TACC3: variants seen among roughly 807,000 people sequenced by gnomAD.
TACC3 encodes transforming acidic coiled-coil containing protein 3, also known as transforming acidic coiled-coil-containing protein 3.
Under a neutral mutation model 86.0 loss-of-function variants are expected in TACC3, and 52 were observed. The ratio of observed to expected loss-of-function variants is 0.60; its 90% CI spans 0.48 to 0.76. The LOEUF (loss-of-function observed/expected upper bound fraction) is 0.76. TACC3 is among the 30% of genes least tolerant of loss of function. The pLI is 0.00. For missense variants in TACC3, 1,120 were observed against 1,070.4 expected, an observed-to-expected ratio of 1.05 and a Z score of -0.65; for synonymous variants, 512 against 430.0, an observed-to-expected ratio of 1.19 and a Z score of -2.36.
chr4:1,736,099 C>T (rs930616807), intron 8 of TACC3, among the ~76,000 whole-genome samples: 8 of 152,230 alleles, frequency 5.3e-5, no homozygotes, highest in Non-Finnish European at 8.8e-5. Context: ...AAGATCTAAA[C>T]TTAAATCTTT....
At chr4:1,740,064 G>T (rs1560322732) in intron 12 of TACC3, 62 bp downstream of exon 12, 1 of 1,561,900 alleles carries the variant, frequency 6.4e-7, no homozygotes, top group Non-Finnish European at 8.8e-7. Flanking sequence ...CCCCACCCTG[G>T]CCCTGCCCTG....
At chr4:1,739,805 C>T in intron 11 of TACC3, 27 bp downstream of exon 11, 1 of 1,569,912 alleles carries the variant, frequency 6.4e-7, no homozygotes, top group Admixed American at 1.9e-5. Flanking sequence ...TCCTGTCCTC[C>T]CCGTCCCCAT....
Position 1,735,338 on chromosome 4 carries a change from C to G in TACC3, c.1644+13C>G, listed in dbSNP as rs1162781182. 2 of 1,613,876 alleles carry G rather than the reference C, an allele frequency of 1.2e-6. No homozygotes were observed. Among genetic ancestry groups the G allele is most frequent in the Non-Finnish European group, 1.7e-6 (2 of 1,179,998 alleles). ...TGGAACTTCCTCGGTAGGTACCAGG[C>G]AATTCCGCGAAGCCTCACCCACAGG... is the stretch of plus-strand genomic sequence containing the variant. On this transcript the variant is annotated intron_variant, in intron 7 of 15. Transcript: ENST00000313288. The surrounding 1 kb of genome is among the most constrained non-coding windows in gnomAD (Gnocchi z 4.2).
At chr4:1,742,617 A>G (rs1437631839) in intron 13 of TACC3, among the ~76,000 whole-genome samples, 1 of 152,184 alleles carries the variant, frequency 6.6e-6, no homozygotes, top group Non-Finnish European at 1.5e-5. Flanking sequence ...CCTGGGTTAC[A>G]TGATGAAACT....
chr4:1,737,910 C>T, intron 10 of TACC3: 1 of 673,474 alleles, frequency 1.5e-6, no homozygotes, highest in Non-Finnish European at 2.7e-6. Context: ...AGTGTCCCCG[C>T]AGTCAGCTGC....
chr4:1,740,135 C>T, intron 12 of TACC3, 133 bp downstream of exon 12: 1 of 865,322 alleles, frequency 1.2e-6, no homozygotes, highest in Non-Finnish European at 1.8e-6. Context: ...GTCCCTTCAA[C>T]ATGGGCCCGG....
rs1718568312 is a variant in TACC3 at position 1,740,956 on chromosome 4, A to G, written c.2193A>G (p.Lys731=). The change falls in exon 13 of 16, where the codon AAA becomes AAG. Residue 731 remains lysine, a synonymous_variant. Transcript: ENST00000313288. ...CCGACCTCTTCAAGCGTTTTGAGAAACAGAAAGAGGTGATCGAGGGCTACC... is the reference window on the plus strand; with the variant it reads ...CCGACCTCTTCAAGCGTTTTGAGAAGCAGAAAGAGGTGATCGAGGGCTACC... ...SFSDLFKRFE[K]QKEVIEGYRK... 1.2e-6 allele frequency: 2 copies of G among 1,610,742 alleles called. No homozygotes were observed. The highest frequency in any genetic ancestry group is 3.4e-5 in the Admixed American group (2 of 59,434).
At position 1,744,754 on chromosome 4, in the gene TACC3, G is replaced by A. The variant is rs565079218; in HGVS notation, c.2373G>A (p.Ala791=). The change falls in exon 15 of 16, where the codon GCG becomes GCA. Residue 791 remains alanine, a synonymous_variant. Transcript: ENST00000313288. ...EIAQVRSKAQ[A]EALALQASLR... ...CCCAGGTCCGGAGCAAGGCCCAGGC[G>A]GAAGCGTTGGCCCTCCAGGCCAGCC... 2.7e-4 allele frequency: 436 copies of A among 1,612,722 alleles called. 1 individual carries two copies. Among genetic ancestry groups the A allele is most frequent in the South Asian group, 2.4e-3 (217 of 91,078 alleles).
intron 3 of TACC3, among the ~76,000 whole-genome samples, chr4:1,726,389 A>T (rs537164490): frequency 2.0e-5 from 3 of 152,254 alleles, no homozygotes; most frequent in African/African-American, 7.2e-5. Flanking sequence ...TTGAAGGGGA[A>T]AGCAGATTCA....
In TACC3 at chr4:1,735,033, C is replaced by A. The variant is rs143531453; in HGVS notation, c.1592-240C>A. On this transcript the variant is annotated intron_variant, in intron 6 of 15. Transcript: ENST00000313288. The surrounding 1 kb of genome is among the most constrained non-coding windows in gnomAD (Gnocchi z 4.2). ...TTTCCCCAGATGTTTGTGGTTGTCA[C>A]ACCTGGAGGTGCTGCTGGCAGGGAG... is the stretch of plus-strand genomic sequence containing the variant. Among the ~76,000 whole-genome samples the A allele has an allele frequency of 6.6e-6, 1 of 152,400 alleles. No individual in the cohort carries two copies. The highest frequency in any genetic ancestry group is 2.4e-5 in the African/African-American group (1 of 41,604).
chr4:1,727,394 G>A (rs1717740359), intron 3 of TACC3, among the ~76,000 whole-genome samples: 1 of 152,210 alleles, frequency 6.6e-6, no homozygotes, highest in South Asian at 2.1e-4. Context: ...CAAAGCGCGT[G>A]ATGAGCACAA....
At chr4:1,731,333 T>G in intron 6 of TACC3, 32 bp downstream of exon 6, 1 of 1,610,500 alleles carries the variant, frequency 6.2e-7, no homozygotes, top group Non-Finnish European at 8.5e-7. Context: ...TCACACACAG[T>G]CTGCCCGGAG....
chr4:1,743,746 C>T (rs571535954), intron 13 of TACC3, among the ~76,000 whole-genome samples: 1 of 152,270 alleles, frequency 6.6e-6, no homozygotes, highest in South Asian at 2.1e-4. Flanking sequence ...CCTGTGCACA[C>T]GTGAGAGCTT....
intron 3 of TACC3, among the ~76,000 whole-genome samples, chr4:1,726,917 A>G (rs1316022873): frequency 6.6e-6 from 1 of 152,186 alleles, no homozygotes; most frequent in Non-Finnish European, 1.5e-5. Context: ...ACCTAAGGTC[A>G]GGAGTTTGAG....
chr4:1,737,414 G>C, intron 9 of TACC3, 86 bp downstream of exon 9: 1 of 1,377,178 alleles, frequency 7.3e-7, no homozygotes, highest in South Asian at 1.2e-5. Context: ...CTATTCCTGG[G>C]GGTCTGAGCC....
rs1560313529 is a variant in TACC3, at chr4:1,735,776, G to A, written c.1690G>A (p.Asp564Asn). 4 of 1,612,210 alleles carry A rather than the reference G, an allele frequency of 2.5e-6. No individual in the cohort carries two copies. The highest frequency in any genetic ancestry group is 3.4e-6 in the Non-Finnish European group (4 of 1,179,258). The change falls in exon 8 of 16, where the codon GAC becomes AAC. Residue 564 changes from aspartate to asparagine, a missense_variant. Asp to Asn is a conservative substitution (Grantham distance 23). Coordinates refer to ENST00000313288, the MANE Select transcript of TACC3 (RefSeq NM_006342.3). This position sits in a 1 kb window ranked among gnomAD's most constrained non-coding sequence, Gnocchi z 4.2. ...LRKQSLYLKF[D>N]PLLRDSPGRP... is the part of the protein sequence containing the mutation. ...GAAGCAGTCCTTATACCTCAAGTTC[G>A]ACCCCCTCCTGAGGGACAGTCCTGG...
rs916928454 is a variant in TACC3 at position 1,737,688 on chromosome 4, G to A, written c.1927G>A (p.Asp643Asn). 1 of 1,551,104 alleles carries A rather than the reference G, an allele frequency of 6.4e-7. No individual in the cohort carries two copies. The highest frequency in any genetic ancestry group is 1.4e-5 in the African/African-American group (1 of 73,174). The change falls in exon 10 of 16, where the codon GAC becomes AAC. Residue 643 changes from aspartate to asparagine, a missense_variant. Transcript: ENST00000313288. ...GGACCTGCTCCAGTACAGCCAGAAG[G>A]ACCTGGATGCAGTGGTAAGGACGCA... ...IVDLLQYSQK[D>N]LDAVVKATQE...
chr4:1,742,874 A>G (rs1376472200), intron 13 of TACC3, among the ~76,000 whole-genome samples: 1 of 150,968 alleles, frequency 6.6e-6, no homozygotes, highest in African/African-American at 2.4e-5. Flanking sequence ...AAACTGAGAC[A>G]GAAAATCATT....
chr4:1,724,370 C>T (rs1717580677), intron 3 of TACC3, among the ~76,000 whole-genome samples: 1 of 144,750 alleles, frequency 6.9e-6, no homozygotes, highest in South Asian at 2.2e-4. Context: ...TGGATAACTT[C>T]ATACTTCACT....
Sources: gnomAD v4.1 joint callset for allele counts (sites outside exome capture counted in the v4.1 genomes callset) on GRCh38, gnomAD v4.1.1 for gene constraint, Gnocchi (gnomAD v3.1) non-coding constraint, MANE v1.5 for transcripts, NCBI Gene and HGNC (gene_info 2026-07-23, HGNC 2026-07-21) for gene names.